The following EFHD2 variants were observed in gnomAD, a reference collection of about 807,000 sequenced individuals.
EFHD2 encodes the protein EF-hand domain-containing protein D2.
A neutral mutation model predicts 20.3 loss-of-function variants in EFHD2; 12 were observed. That is an observed-to-expected ratio of 0.59 (90% CI 0.38 to 0.96). EFHD2 has a LOEUF of 0.96. EFHD2 is among the 40% of genes least tolerant of loss of function. The pLI is 0.00. For missense variants in EFHD2, 250 were observed against 334.3 expected (o/e 0.75, Z 1.97); for synonymous variants, 131 against 143.9 (o/e 0.91, Z 0.64).
intron 1 of EFHD2, among the ~76,000 whole-genome samples, chr1:15,415,032 A>G (rs757137529): frequency 3.3e-5 from 5 of 152,176 alleles, no homozygotes; most frequent in Non-Finnish European, 7.3e-5. Context: ...AAACACCCTG[A>G]GTCTTTGTGA....
rs769323800 is a variant in EFHD2 at position 15,427,148 on chromosome 1, A to G, written c.457-2A>G. On this transcript the variant is annotated splice_acceptor_variant, in intron 2 of 3. Coordinates refer to ENST00000375980, the MANE Select transcript of EFHD2 (RefSeq NM_024329.6). LOFTEE classifies it high-confidence loss of function. ...CACCGCGCGCCTCCCTCCCCGCTGC[A>G]GTTCCTCCTGATCTTCCGCAAGGCG... is the stretch of plus-strand genomic sequence containing the variant. 6.2e-7 allele frequency: 1 copy of G among 1,612,148 alleles called. No individual in the cohort carries two copies. Among genetic ancestry groups the G allele is most frequent in the East Asian group, 2.2e-5 (1 of 44,852 alleles).
chr1:15,416,833 CAG>C (rs1007928723), intron 1 of EFHD2, among the ~76,000 whole-genome samples: 2 of 151,950 alleles, frequency 1.3e-5, no homozygotes, highest in African/African-American at 2.4e-5. Context: ...TTTTAAGAGA[CAG>C]AGTCTTGCTC....
At chr1:15,424,824 G>T (rs749189523) in intron 1 of EFHD2, among the ~76,000 whole-genome samples, 1 of 152,202 alleles carries the variant, frequency 6.6e-6, no homozygotes, top group Non-Finnish European at 1.5e-5. Context: ...AGACCCCCCA[G>T]TACAGAGGGT....
rs1707940636 is a variant in EFHD2 at position 15,429,959 on chromosome 1, G to C, written c.*1235G>C. On this transcript the variant is annotated 3_prime_UTR_variant, in exon 4 of 4. Transcript: ENST00000375980. ...TCCAAACAAGTGAGTGGCCCTCGAGGCCACAGTTATGCAACTTTCAGTGTG... is the reference window on the plus strand; with the variant it reads ...TCCAAACAAGTGAGTGGCCCTCGAGCCCACAGTTATGCAACTTTCAGTGTG... 1 of 152,702 alleles carries C rather than the reference G, an allele frequency of 6.5e-6. No homozygotes were observed. The highest frequency in any genetic ancestry group is 1.5e-5 in the Non-Finnish European group (1 of 68,056). 9.5% of individuals were successfully genotyped at this position (152,702 alleles called of 1,614,324 possible).
At chr1:15,411,651 G>A (rs1285043282) in intron 1 of EFHD2, among the ~76,000 whole-genome samples, 2 of 152,204 alleles carry the variant, frequency 1.3e-5, no homozygotes, top group African/African-American at 2.4e-5. Context: ...AGTGGTTCTG[G>A]AAGGGGATAG....
At chr1:15,422,173 A>G (rs1182210815) in intron 1 of EFHD2, among the ~76,000 whole-genome samples, 3 of 145,892 alleles carry the variant, frequency 2.1e-5, no homozygotes, top group Non-Finnish European at 4.5e-5. Context: ...GCTCATTGCA[A>G]CCTCCACCTC....
intron 1 of EFHD2, among the ~76,000 whole-genome samples, chr1:15,414,432 T>C (rs1449901393): frequency 2.6e-5 from 4 of 152,254 alleles, no homozygotes; most frequent in Non-Finnish European, 5.9e-5. Flanking sequence ...CCTTCTGAGC[T>C]TCTGTTCCTC....
intron 1 of EFHD2, among the ~76,000 whole-genome samples, chr1:15,420,222 G>GAC (rs1043433319): frequency 6.6e-6 from 1 of 152,164 alleles, no homozygotes; most frequent in Non-Finnish European, 1.5e-5. Context: ...GTGCATATGT[G>GAC]ACACACACAA....
intron 1 of EFHD2, among the ~76,000 whole-genome samples, chr1:15,418,925 A>G (rs991007639): frequency 6.6e-6 from 1 of 152,260 alleles, no homozygotes; most frequent in African/African-American, 2.4e-5. Context: ...TTGTCGGTTC[A>G]TGTTCATGCC....
rs534621463 is a variant in EFHD2, at chr1:15,413,034, C to T, written c.308+2755C>T. 2.0e-5 allele frequency among the ~76,000 whole-genome samples: 3 copies of T among 152,282 alleles called. No individual in the cohort carries two copies. Among genetic ancestry groups the T allele is most frequent in the South Asian group, 2.1e-4 (1 of 4,824 alleles). ...GCAGATTGTGTATTCAAGGAAACAA[C>T]GCTTCACTGTGCCAACCGAGCCCAA... On this transcript the variant is annotated intron_variant, in intron 1 of 3. Transcript: ENST00000375980. The surrounding 1 kb of genome is among the most constrained non-coding windows in gnomAD (Gnocchi z 4.4).
At chr1:15,412,280 G>T (rs1707544303) in intron 1 of EFHD2, among the ~76,000 whole-genome samples, 1 of 152,044 alleles carries the variant, frequency 6.6e-6, no homozygotes, top group Non-Finnish European at 1.5e-5. Flanking sequence ...CCCCCATCGG[G>T]CAGTGCAGAG....
intron 1 of EFHD2, among the ~76,000 whole-genome samples, chr1:15,423,223 A>G (rs902686135): frequency 2.0e-5 from 3 of 152,168 alleles, no homozygotes; most frequent in Non-Finnish European, 4.4e-5. Flanking sequence ...TCTGAGTCCC[A>G]CACCTTCTAC....
At chr1:15,416,281 G>A (rs1018946185) in intron 1 of EFHD2, among the ~76,000 whole-genome samples, 1 of 152,178 alleles carries the variant, frequency 6.6e-6, no homozygotes, top group Non-Finnish European at 1.5e-5. Flanking sequence ...AGGACAGCAG[G>A]CCTTGCTGCC....
At chr1:15,418,442 A>C (rs1283516113) in intron 1 of EFHD2, among the ~76,000 whole-genome samples, 1 of 150,526 alleles carries the variant, frequency 6.6e-6, no homozygotes, top group Non-Finnish European at 1.5e-5. Flanking sequence ...AGTAGCTGGG[A>C]CTACAGGCGC....
chr1:15,428,632 A>G lies in EFHD2; in HGVS notation c.631A>G (p.Ile211Val). 1 of 1,611,098 alleles carries G rather than the reference A, an allele frequency of 6.2e-7. No individual in the cohort carries two copies. The change falls in exon 4 of 4, where the codon ATC becomes GTC. Residue 211 changes from isoleucine to valine, a missense_variant. Transcript: ENST00000375980. ...INVSSRFEEE[I>V]KAEQEERKKQ... ...CGTGTCCAGCCGCTTCGAGGAGGAG[A>G]TCAAGGCAGAGCAGGAGGAAAGGAA...
At chr1:15,425,449 C>T (rs570387805) in intron 1 of EFHD2, among the ~76,000 whole-genome samples, 7 of 151,694 alleles carry the variant, frequency 4.6e-5, no homozygotes, top group African/African-American at 1.7e-4. Flanking sequence ...CACTTGAACC[C>T]GGGAGGCGGA....
intron 1 of EFHD2, among the ~76,000 whole-genome samples, chr1:15,412,991 G>A (rs751682972): frequency 2.6e-5 from 4 of 152,208 alleles, no homozygotes; most frequent in African/African-American, 7.2e-5. Flanking sequence ...GCCAGGGCCC[G>A]GGTGAGGGTG....
intron 1 of EFHD2, among the ~76,000 whole-genome samples, chr1:15,416,500 G>T (rs528749109): frequency 1.3e-5 from 2 of 152,326 alleles, no homozygotes; most frequent in Admixed American, 6.5e-5. Context: ...GATGGGAGCC[G>T]GGCCGCCCAG....
At chr1:15,418,345 A>G (rs375473205) in intron 1 of EFHD2, among the ~76,000 whole-genome samples, 2,012 of 111,448 alleles carry the variant, frequency 0.018, 68 homozygotes, top group African/African-American at 0.068. Flanking sequence ...TCGCTCTGTC[A>G]CCCAGGCTGG....
Sources: gnomAD v4.1 joint callset for allele counts (sites outside exome capture counted in the v4.1 genomes callset) on GRCh38, gnomAD v4.1.1 for gene constraint, Gnocchi (gnomAD v3.1) non-coding constraint, MANE v1.5 for transcripts, NCBI Gene and HGNC (gene_info 2026-07-23, HGNC 2026-07-21) for gene names.